The following ATRNL1 variants were observed in gnomAD, a reference collection of about 807,000 sequenced individuals.
The protein encoded by ATRNL1 is attractin like 1.
Under a neutral mutation model 182.7 loss-of-function variants are expected in ATRNL1, and 95 were observed. The ratio of observed to expected loss-of-function variants is 0.52; its 90% CI spans 0.44 to 0.62. The LOEUF (loss-of-function observed/expected upper bound fraction) is 0.62, where lower values mean the gene tolerates loss of function less well. Among genes scored for constraint, ATRNL1 ranks in the 20% least tolerant of loss-of-function variants. The pLI is 0.00. For missense variants in ATRNL1, 1,471 were observed against 1,679.5 expected (o/e 0.88, Z 2.17); for synonymous variants, 576 against 568.3 (o/e 1.01, Z -0.19).
chr10:115,468,512 A>G (rs1383457221), intron 23 of ATRNL1, among the ~76,000 whole-genome samples: 1 of 150,810 alleles, frequency 6.6e-6, no homozygotes, highest in Non-Finnish European at 1.5e-5. Context: ...TTAAGGTGAA[A>G]GTATTGCTAA....
intron 22 of ATRNL1, among the ~76,000 whole-genome samples, chr10:115,465,647 G>T (rs1332812857): frequency 6.6e-6 from 1 of 151,262 alleles, no homozygotes; most frequent in Admixed American, 6.6e-5. Context: ...TTATATTCAT[G>T]GGCATTTATG....
At chr10:115,572,707 G>C (rs782537576) in intron 26 of ATRNL1, among the ~76,000 whole-genome samples, 3 of 152,180 alleles carry the variant, frequency 2.0e-5, no homozygotes, top group Non-Finnish European at 4.4e-5. Flanking sequence ...AGAGTTCTGG[G>C]CTGAATCTAT....
chr10:115,208,330 T>C (rs1225890215), intron 8 of ATRNL1, among the ~76,000 whole-genome samples: 1 of 152,106 alleles, frequency 6.6e-6, no homozygotes, highest in Non-Finnish European at 1.5e-5. Flanking sequence ...TATTGGATGA[T>C]TTTCTTTTTG....
chr10:115,345,531 C>G (rs982428965), intron 19 of ATRNL1, among the ~76,000 whole-genome samples: 6 of 152,192 alleles, frequency 3.9e-5, no homozygotes, highest in African/African-American at 1.4e-4. Flanking sequence ...ACTTCAGTGC[C>G]TCTTTCACTG....
intron 26 of ATRNL1, among the ~76,000 whole-genome samples, chr10:115,653,437 T>A (rs1860136211): frequency 6.6e-6 from 1 of 152,216 alleles, no homozygotes; most frequent in South Asian, 2.1e-4. Context: ...TAACTGGCTT[T>A]GCTCTGAACC....
chr10:115,932,241 A>G lies in ATRNL1; in HGVS notation c.4019-12417A>G, dbSNP rs561262949. On this transcript the variant is annotated intron_variant, in intron 28 of 28. Coordinates refer to ENST00000355044, the MANE Select transcript of ATRNL1 (RefSeq NM_207303.4). ...GGTCATTTAATCAAACGACTTTCCA[A>G]AAGTCCCTGTTTTGAATTACTGGAG... 4.6e-5 allele frequency among the ~76,000 whole-genome samples: 7 copies of G among 152,344 alleles called. No homozygotes were observed. In the South Asian group the frequency reaches 1.2e-3, roughly 27 times the overall value.
At chr10:115,824,849 G>A (rs1459732132) in intron 27 of ATRNL1, among the ~76,000 whole-genome samples, 2 of 152,120 alleles carry the variant, frequency 1.3e-5, no homozygotes, top group African/African-American at 4.8e-5. Flanking sequence ...AGACAGTGTG[G>A]TGATTCCTCA....
intron 14 of ATRNL1, among the ~76,000 whole-genome samples, chr10:115,285,163 A>G (rs1852548029): frequency 6.6e-6 from 1 of 152,158 alleles, no homozygotes; most frequent in African/African-American, 2.4e-5. Flanking sequence ...GAGTGCATTT[A>G]TAGTGGGGTT....
chr10:115,225,245 G>T (rs2440313), intron 9 of ATRNL1, among the ~76,000 whole-genome samples: 102,470 of 151,318 alleles, frequency 0.68, 35,028 homozygotes, highest in Admixed American at 0.78. Context: ...GCAGAAAAAA[G>T]TATAGATAAA....
In ATRNL1 at chr10:115,112,281, T is replaced by A. The variant is rs554686340; in HGVS notation, c.294-7904T>A. Reference sequence around the variant, plus strand: ...CTATCAAAATAGAATTAGAAAAAAATCCTATAATTTGTTTGAAACCACAAA... The same window carrying A: ...CTATCAAAATAGAATTAGAAAAAAAACCTATAATTTGTTTGAAACCACAAA... On this transcript the variant is annotated intron_variant, in intron 1 of 28. Transcript: ENST00000355044. Among the ~76,000 whole-genome samples, 6 of 152,120 alleles carry A rather than the reference T, an allele frequency of 3.9e-5. No individual in the cohort carries two copies. The East Asian group carries it at 1.2e-3, about 29-fold the overall frequency.
intron 13 of ATRNL1, among the ~76,000 whole-genome samples, chr10:115,273,439 T>G (rs1851961989): frequency 1.3e-5 from 2 of 152,090 alleles, no homozygotes; most frequent in African/African-American, 4.8e-5. Context: ...TTTTTTTTTG[T>G]CACCAATTTT....
intron 1 of ATRNL1, among the ~76,000 whole-genome samples, chr10:115,097,963 T>C (rs1450156141): frequency 1.3e-5 from 2 of 151,908 alleles, no homozygotes; most frequent in Non-Finnish European, 2.9e-5. Context: ...AAAAAACAAA[T>C]ATATATATAT....
intron 26 of ATRNL1, among the ~76,000 whole-genome samples, chr10:115,676,881 G>A (rs527504380): frequency 1.3e-5 from 2 of 151,886 alleles, no homozygotes; most frequent in East Asian, 3.9e-4. Flanking sequence ...CTTAAATATC[G>A]AACTTATTTC....
intron 27 of ATRNL1, among the ~76,000 whole-genome samples, chr10:115,801,453 TTCC>T (rs1949790300): frequency 6.6e-6 from 1 of 152,234 alleles, no homozygotes; most frequent in Non-Finnish European, 1.5e-5. Context: ...ATTATTTTGC[TTCC>T]AACTGTACTT....
intron 19 of ATRNL1, among the ~76,000 whole-genome samples, chr10:115,336,091 T>C (rs782113249): frequency 2.6e-5 from 4 of 152,218 alleles, no homozygotes; most frequent in African/African-American, 4.8e-5. Context: ...CAAAACTGTA[T>C]GGTATTACTT....
intron 17 of ATRNL1, among the ~76,000 whole-genome samples, chr10:115,303,221 G>GTTTTTGTTTTTTTT (rs781902037): frequency 2.8e-5 from 3 of 107,022 alleles, no homozygotes; most frequent in African/African-American, 1.4e-4. Context: ...TGGTATGCAG[G>GTTTTTGTTTTTTTT]TTTTTTTTTT....
At position 115,093,530 on chromosome 10, in the gene ATRNL1, G is replaced by A; in HGVS notation, c.-221G>A. The A allele has an allele frequency of 1.5e-6, 1 of 679,422 alleles. No homozygotes were observed. The highest frequency in any genetic ancestry group is 1.5e-5 in the South Asian group (1 of 66,124). The allele number at this position is 679,422 out of a possible 1,614,324, so 42.1% of individuals were successfully genotyped here. On this transcript the variant is annotated 5_prime_UTR_variant, in exon 1 of 29. Coordinates refer to ENST00000355044, the MANE Select transcript of ATRNL1 (RefSeq NM_207303.4). The surrounding 1 kb of genome is among the most constrained non-coding windows in gnomAD (Gnocchi z 6.1). ...GGTCGGCCCGCTAAGGACAAGGTCG[G>A]GAGACTGGGTGGCGATGCCCGAGTG...
intron 24 of ATRNL1, among the ~76,000 whole-genome samples, chr10:115,481,609 T>C (rs1688511915): frequency 6.6e-6 from 1 of 150,938 alleles, no homozygotes; most frequent in African/African-American, 2.4e-5. Context: ...TCTACCACTA[T>C]TAACTCACAC....
intron 5 of ATRNL1, among the ~76,000 whole-genome samples, chr10:115,153,147 A>T (rs549366101): frequency 6.6e-6 from 1 of 152,204 alleles, no homozygotes; most frequent in East Asian, 1.9e-4. Flanking sequence ...TTTTGCATTG[A>T]TATTCATCAG....
Sources: gnomAD v4.1 joint callset for allele counts (sites outside exome capture counted in the v4.1 genomes callset) on GRCh38, gnomAD v4.1.1 for gene constraint, Gnocchi (gnomAD v3.1) non-coding constraint, MANE v1.5 for transcripts, NCBI Gene and HGNC (gene_info 2026-07-23, HGNC 2026-07-21) for gene names.